The following SLC38A1 variants were observed in gnomAD, a reference collection of about 807,000 sequenced individuals.
The protein encoded by SLC38A1 is sodium-coupled neutral amino acid symporter 1.
In SLC38A1, 18 loss-of-function variants were observed where a neutral mutation model predicts 60.3. The ratio of observed to expected loss-of-function variants is 0.30; its 90% CI spans 0.21 to 0.44. The LOEUF (loss-of-function observed/expected upper bound fraction) is 0.44, where lower values mean the gene tolerates loss of function less well. SLC38A1 is among the 20% of genes least tolerant of loss of function. The pLI, the probability that SLC38A1 is intolerant of heterozygous loss-of-function variation, is 1.00. For missense variants in SLC38A1, 448 were observed against 587.2 expected, an observed-to-expected ratio of 0.76 and a Z score of 2.45; for synonymous variants, 196 against 212.1, an observed-to-expected ratio of 0.92 and a Z score of 0.66.
At position 46,183,621 on chromosome 12, in the gene SLC38A1, A is replaced by G. The variant is rs1244891088; in HGVS notation, c.*5349T>C. ...TTCATATGTACTGTGTAGTGGTATC[A>G]GTGTTAAAAATGGAAGATCATTATG... On this transcript the variant is annotated 3_prime_UTR_variant, in exon 17 of 17. Coordinates refer to ENST00000398637, the MANE Select transcript of SLC38A1 (RefSeq NM_030674.4). 1 of 152,222 alleles carries G rather than the reference A, an allele frequency of 6.6e-6. No homozygotes were observed. The highest frequency in any genetic ancestry group is 1.5e-5 in the Non-Finnish European group (1 of 68,030). The allele number at this position is 152,222 out of a possible 1,614,324, so 9.4% of individuals were successfully genotyped here.
At chr12:46,205,696 C>A (rs1592081902) in intron 9 of SLC38A1, among the ~76,000 whole-genome samples, 1 of 152,138 alleles carries the variant, frequency 6.6e-6, no homozygotes, top group Non-Finnish European at 1.5e-5. Flanking sequence ...ATCTAGGCAG[C>A]TTTCTGTCTC....
At position 46,260,117 on chromosome 12, in the gene SLC38A1, G is replaced by A. The variant is rs115880541; in HGVS notation, c.-209+8409C>T. On this transcript the variant is annotated intron_variant, in intron 1 of 16. Coordinates refer to ENST00000398637, the MANE Select transcript of SLC38A1 (RefSeq NM_030674.4). ...CAGCACTTAGAACAGCGTCTGGCCC[G>A]GGTTTTGTAAATTATTGTGACCATT... Among the ~76,000 whole-genome samples the A allele has an allele frequency of 3.0e-3, 463 of 152,224 alleles. 2 individuals carry two copies. Among genetic ancestry groups the A allele is most frequent in the African/African-American group, 0.01 (434 of 41,540 alleles).
intron 3 of SLC38A1, among the ~76,000 whole-genome samples, chr12:46,232,526 A>G (rs1306172527): frequency 6.6e-6 from 1 of 152,238 alleles, no homozygotes; most frequent in Non-Finnish European, 1.5e-5. Flanking sequence ...CTTTCCACAG[A>G]ACTAAGGTTT....
At chr12:46,240,021 T>C in intron 2 of SLC38A1, 128 bp from the exon 3 acceptor site, 1 of 488,594 alleles carries the variant, frequency 2.0e-6, no homozygotes, top group East Asian at 3.6e-5. Flanking sequence ...CTAGATGCAT[T>C]AAAGCAATCT....
chr12:46,195,120 G>A (rs190372357), intron 16 of SLC38A1, among the ~76,000 whole-genome samples: 5 of 152,238 alleles, frequency 3.3e-5, no homozygotes, highest in Admixed American at 1.3e-4. Context: ...ATGGGGATTT[G>A]GTGTGGATGT....
At chr12:46,230,988 A>C (rs1033071088) in intron 3 of SLC38A1, among the ~76,000 whole-genome samples, 1 of 152,166 alleles carries the variant, frequency 6.6e-6, no homozygotes, top group Non-Finnish European at 1.5e-5. Context: ...TCAAAAAAAT[A>C]CCTGCATTCA....
chr12:46,214,622 A>C (rs1214884474), intron 5 of SLC38A1, among the ~76,000 whole-genome samples: 1 of 152,240 alleles, frequency 6.6e-6, no homozygotes, highest in Non-Finnish European at 1.5e-5. Flanking sequence ...TAAATTTAAC[A>C]AACCTCACCC....
At chr12:46,262,431 T>C (rs780248429) in intron 1 of SLC38A1, among the ~76,000 whole-genome samples, 3 of 151,968 alleles carry the variant, frequency 2.0e-5, no homozygotes, top group African/African-American at 4.8e-5. Context: ...AGTGAGTGTA[T>C]ATGAGTAGTG....
In SLC38A1 at chr12:46,185,425, T is replaced by G. The variant is rs953834121; in HGVS notation, c.*3545A>C. On this transcript the variant is annotated 3_prime_UTR_variant, in exon 17 of 17. Transcript: ENST00000398637. ...ACCATCACCCATCTGGGTGCTTCTT[T>G]TTCTCAACAGGGTCTGTAACTGTAA... 3 of 152,072 alleles carry G rather than the reference T, an allele frequency of 2.0e-5. No individual in the cohort carries two copies. Among genetic ancestry groups the G allele is most frequent in the Non-Finnish European group, 1.5e-5 (1 of 68,008 alleles). 9.4% of individuals were successfully genotyped at this position (152,072 alleles called of 1,614,324 possible). A position where few individuals can be genotyped will look rare whatever the true frequency, so the allele number is the denominator to read the frequency against.
chr12:46,231,313 G>T (rs1941069486), intron 3 of SLC38A1, among the ~76,000 whole-genome samples: 1 of 152,084 alleles, frequency 6.6e-6, no homozygotes, highest in Non-Finnish European at 1.5e-5. Context: ...GTGGGAGGGG[G>T]CAAGGGATGA....
chr12:46,226,765 G>A (rs865815266), intron 5 of SLC38A1, among the ~76,000 whole-genome samples: 7 of 151,740 alleles, frequency 4.6e-5, no homozygotes, highest in African/African-American at 1.2e-4. Context: ...ACAGGTGCCC[G>A]CCCCTACACC....
chr12:46,215,572 T>C (rs989297939), intron 5 of SLC38A1, among the ~76,000 whole-genome samples: 1 of 152,150 alleles, frequency 6.6e-6, no homozygotes, highest in Non-Finnish European at 1.5e-5. Context: ...CACACCCAGC[T>C]AATTTTTGTA....
intron 5 of SLC38A1, among the ~76,000 whole-genome samples, chr12:46,212,880 T>C (rs930842456): frequency 1.3e-5 from 2 of 152,240 alleles, no homozygotes; most frequent in Admixed American, 6.5e-5. Context: ...TCAGCTGAAA[T>C]CACTGTCGCT....
intron 3 of SLC38A1, among the ~76,000 whole-genome samples, chr12:46,230,774 A>AT (rs1941044910): frequency 1.3e-5 from 2 of 152,338 alleles, no homozygotes; most frequent in Admixed American, 1.3e-4. Context: ...CCAACAAATG[A>AT]TTTTGTCAAA....
chr12:46,268,399 C>G lies in SLC38A1; in HGVS notation c.-209+127G>C, dbSNP rs4447234. On this transcript the variant is annotated intron_variant, in intron 1 of 16. Coordinates refer to ENST00000398637, the MANE Select transcript of SLC38A1 (RefSeq NM_030674.4). This position sits in a 1 kb window ranked among gnomAD's most constrained non-coding sequence, Gnocchi z 4.4. The stretch of plus-strand genomic sequence containing the variant: ...TCCTAAAAGCAACATCCGAAAGCAT[C>G]GGGCACAGCCGAGCTCTCTCTGCTT... 1.3e-5 allele frequency: 2 copies of G among 152,514 alleles called. No homozygotes were observed. The highest frequency in any genetic ancestry group is 4.8e-5 in the African/African-American group (2 of 41,472). The allele number at this position is 152,514 out of a possible 1,614,324, so 9.4% of individuals were successfully genotyped here.
At position 46,188,231 on chromosome 12, in the gene SLC38A1, G is replaced by C. The variant is rs1939005365; in HGVS notation, c.*739C>G. 6.6e-6 allele frequency: 1 copy of C among 152,204 alleles called. No individual in the cohort carries two copies. The highest frequency in any genetic ancestry group is 1.5e-5 in the Non-Finnish European group (1 of 68,048). The allele number at this position is 152,204 out of a possible 1,614,324, so 9.4% of individuals were successfully genotyped here. ...GAGGGAAAAAATACTTCATTTGCTA[G>C]ATTACCCAAATGTGTAGCTTCATTT... is the stretch of plus-strand genomic sequence containing the variant. On this transcript the variant is annotated 3_prime_UTR_variant, in exon 17 of 17. Transcript: ENST00000398637.
chr12:46,190,863 T>C (rs1255056575), intron 16 of SLC38A1, among the ~76,000 whole-genome samples: 1 of 152,218 alleles, frequency 6.6e-6, no homozygotes, highest in African/African-American at 2.4e-5. Flanking sequence ...CTGCAAAGAT[T>C]TTCTCCCATT....
intron 2 of SLC38A1, among the ~76,000 whole-genome samples, 176 bp downstream of exon 2, chr12:46,243,024 G>C (rs886692935): frequency 6.6e-6 from 1 of 151,270 alleles, no homozygotes; most frequent in Non-Finnish European, 1.5e-5. Flanking sequence ...GTATCATATT[G>C]TAAGCATTTT....
chr12:46,206,711 A>G (rs2289769), intron 8 of SLC38A1, among the ~76,000 whole-genome samples: 15,315 of 152,248 alleles, frequency 0.1, 1,012 homozygotes, highest in Middle Eastern at 0.16. Flanking sequence ...ATTGTGCCAA[A>G]TGTAGCTGCA....
Sources: allele counts gnomAD v4.1 joint callset (sites outside exome capture counted in the v4.1 genomes callset), GRCh38; gene constraint gnomAD v4.1.1; non-coding constraint Gnocchi (gnomAD v3.1); transcripts MANE v1.5; gene names NCBI Gene and HGNC (gene_info 2026-07-23, HGNC 2026-07-21).